SLC22A25: variants seen among roughly 807,000 people sequenced by gnomAD.
SLC22A25 encodes the protein MGI:2442751, MGI:2385316, MGI:3042283, MGI:3645714, MGI:3605624, MGI:2442750.
A neutral mutation model predicts 45.9 loss-of-function variants in SLC22A25; 44 were observed. That is an observed-to-expected ratio of 0.96 (90% CI 0.75 to 1.23). SLC22A25 has a LOEUF of 1.23. Ranked by LOEUF, SLC22A25 falls within the 50% of genes most tolerant of loss-of-function variation. The pLI, the probability that SLC22A25 is intolerant of heterozygous loss-of-function variation, is 0.00. For synonymous variants in SLC22A25, 283 were observed against 238.6 expected (o/e 1.19, Z -1.72); for missense variants, 800 against 666.4 (o/e 1.20, Z -2.21).
rs561055338 is a variant in SLC22A25 at position 63,243,448 on chromosome 11, C to T, written c.-1010G>A. 1.2e-5 allele frequency: 9 copies of T among 755,318 alleles called. No individual in the cohort carries two copies. The highest frequency in any genetic ancestry group is 3.4e-5 in the African/African-American group (2 of 58,652). The allele number at this position is 755,318 out of a possible 1,614,324, so 46.8% of individuals were successfully genotyped here. A position where few individuals can be genotyped will look rare whatever the true frequency, so the allele number is the denominator to read the frequency against. On this transcript the variant is annotated 5_prime_UTR_variant, in exon 1 of 12. Coordinates refer to ENST00000306494, the MANE Select transcript of SLC22A25 (RefSeq NM_199352.6). The stretch of plus-strand genomic sequence containing the variant: ...CCACGATTTACCTGGACTGTTTCTT[C>T]GCCAGGATCCCAACTTCAAAGTCCC...
intron 9 of SLC22A25, among the ~76,000 whole-genome samples, chr11:63,172,790 C>G (rs1452210201): frequency 1.3e-5 from 2 of 151,720 alleles, no homozygotes; most frequent in Non-Finnish European, 2.9e-5. Flanking sequence ...TTAGTTCAAC[C>G]ATGTGGAAGA....
intron 7 of SLC22A25, chr11:63,208,176 A>T (rs1435191527): frequency 1.3e-5 from 2 of 152,248 alleles, no homozygotes; most frequent in African/African-American, 2.4e-5. Context: ...ACCATGAGGG[A>T]GCTTCACCTG....
intron 7 of SLC22A25, among the ~76,000 whole-genome samples, chr11:63,187,734 A>C (rs1339738960): frequency 6.6e-6 from 1 of 152,172 alleles, no homozygotes; most frequent in Non-Finnish European, 1.5e-5. Context: ...TACCTAATTT[A>C]TTGAGAATTT....
At chr11:63,198,578 G>A (rs1477244311) in intron 7 of SLC22A25, among the ~76,000 whole-genome samples, 1 of 152,140 alleles carries the variant, frequency 6.6e-6, no homozygotes, top group Non-Finnish European at 1.5e-5. Flanking sequence ...TGAGGTTGGG[G>A]GATGGGGGAG....
chr11:63,236,876 A>T (rs907921238), intron 3 of SLC22A25, among the ~76,000 whole-genome samples: 1 of 152,094 alleles, frequency 6.6e-6, no homozygotes, highest in Admixed American at 6.5e-5. Flanking sequence ...TCATCTTCTA[A>T]CTATCTACCG....
chr11:63,180,875 C>T (rs983823167), intron 8 of SLC22A25, 100 bp from the exon 9 acceptor site: 1 of 753,272 alleles, frequency 1.3e-6, no homozygotes, highest in African/African-American at 1.8e-5. Flanking sequence ...AGATGACATC[C>T]CTTTCTGTCT....
intron 5 of SLC22A25, among the ~76,000 whole-genome samples, chr11:63,227,013 G>T (rs142091149): frequency 6.6e-6 from 1 of 152,078 alleles, no homozygotes; most frequent in Admixed American, 6.5e-5. Flanking sequence ...AATGCTTCCA[G>T]ACCTGGGACT....
At chr11:63,243,381 T>C in intron 1 of SLC22A25, 53 bp downstream of exon 1, 2 of 656,918 alleles carry the variant, frequency 3.0e-6, no homozygotes, top group South Asian at 1.6e-5. Context: ...ATGCTGGAGG[T>C]CTGTGAGGAA....
At chr11:63,211,907 C>T (rs1446612066) in intron 7 of SLC22A25, among the ~76,000 whole-genome samples, 1 of 151,980 alleles carries the variant, frequency 6.6e-6, no homozygotes, top group African/African-American at 2.4e-5. Flanking sequence ...AAAACTTTTG[C>T]AATCTACTCA....
At chr11:63,223,453 T>A (rs2089895897) in intron 5 of SLC22A25, among the ~76,000 whole-genome samples, 1 of 152,100 alleles carries the variant, frequency 6.6e-6, no homozygotes, top group Non-Finnish European at 1.5e-5. Flanking sequence ...TGAATTTCTG[T>A]GGTATCAGTT....
intron 5 of SLC22A25, among the ~76,000 whole-genome samples, chr11:63,222,225 G>A (rs2089869602): frequency 6.6e-6 from 1 of 152,078 alleles, no homozygotes; most frequent in Non-Finnish European, 1.5e-5. Context: ...GGGTAGTATG[G>A]ACATTTTAAC....
chr11:63,228,099 G>C (rs954522622), intron 5 of SLC22A25, among the ~76,000 whole-genome samples: 4 of 152,182 alleles, frequency 2.6e-5, no homozygotes, highest in African/African-American at 9.7e-5. Flanking sequence ...TTGATTTTTG[G>C]TTCTTATGAA....
At position 63,212,911 on chromosome 11, in the gene SLC22A25, G is replaced by GT. The variant is rs2089614824; in HGVS notation, c.830+4402dup. On this transcript the variant is annotated intron_variant, in intron 7 of 11. Coordinates refer to ENST00000306494, the MANE Select transcript of SLC22A25 (RefSeq NM_199352.6). Reference sequence around the variant, plus strand: ...TGCTATTACAATACATTGATGATTTGTTATTCACTGTCCCCATGAGGGAGG... The same window carrying GT: ...TGCTATTACAATACATTGATGATTTGTTTATTCACTGTCCCCATGAGGGAGG... Among the ~76,000 whole-genome samples the GT allele has an allele frequency of 2.0e-5, 3 of 152,234 alleles. No individual in the cohort carries two copies. In the South Asian group the frequency reaches 6.2e-4, roughly 32 times the overall value.
At chr11:63,172,396 C>A (rs1203539041) in intron 9 of SLC22A25, among the ~76,000 whole-genome samples, 1 of 152,090 alleles carries the variant, frequency 6.6e-6, no homozygotes, top group African/African-American at 2.4e-5. Flanking sequence ...ATCTATACAT[C>A]TGACAAAGTT....
At chr11:63,226,681 A>G (rs2089968691) in intron 5 of SLC22A25, among the ~76,000 whole-genome samples, 1 of 152,184 alleles carries the variant, frequency 6.6e-6, no homozygotes, top group Non-Finnish European at 1.5e-5. Context: ...CTAGGGTTCT[A>G]CAATCAGGAG....
intron 7 of SLC22A25, among the ~76,000 whole-genome samples, chr11:63,197,551 T>TA (rs1194559792): frequency 6.6e-6 from 1 of 152,298 alleles, no homozygotes; most frequent in East Asian, 1.9e-4. Flanking sequence ...ATCCCTTCCT[T>TA]ACACCTTATA....
intron 7 of SLC22A25, among the ~76,000 whole-genome samples, chr11:63,201,023 A>G (rs1451949203): frequency 6.6e-6 from 1 of 152,080 alleles, no homozygotes; most frequent in African/African-American, 2.4e-5. Context: ...CAAACAGAAA[A>G]AATTGCATGC....
chr11:63,238,287 C>T (rs1168892387), intron 2 of SLC22A25, among the ~76,000 whole-genome samples: 1 of 152,126 alleles, frequency 6.6e-6, no homozygotes, highest in Non-Finnish European at 1.5e-5. Context: ...CCATAGAGTG[C>T]AATCATTTGT....
At chr11:63,203,738 G>T (rs1042910293) in intron 7 of SLC22A25, among the ~76,000 whole-genome samples, 1 of 152,068 alleles carries the variant, frequency 6.6e-6, no homozygotes, top group Non-Finnish European at 1.5e-5. Flanking sequence ...TACTCTTCAG[G>T]CTATTATCCA....
Sources: allele counts gnomAD v4.1 joint callset (sites outside exome capture counted in the v4.1 genomes callset), GRCh38; gene constraint gnomAD v4.1.1; transcripts MANE v1.5; gene names NCBI Gene and HGNC (gene_info 2026-07-23, HGNC 2026-07-21).